JARID2: variants seen among roughly 807,000 people sequenced by gnomAD.
JARID2 encodes jumonji and AT-rich interaction domain containing 2.
In JARID2, 21 loss-of-function variants were observed where a neutral mutation model predicts 125.6. The ratio of observed to expected loss-of-function variants is 0.17; its 90% CI spans 0.12 to 0.24. The LOEUF (loss-of-function observed/expected upper bound fraction) is 0.24, where lower values mean the gene tolerates loss of function less well. Among genes scored for constraint, JARID2 ranks in the 10% least tolerant of loss-of-function variants. The pLI is 1.00. For synonymous variants in JARID2, 736 were observed against 661.6 expected (o/e 1.11, Z -1.73); for missense variants, 1,303 against 1,639.6 (o/e 0.79, Z 3.55).
chr6:15,336,299 G>T (rs1762877257), intron 1 of JARID2, among the ~76,000 whole-genome samples: 1 of 152,212 alleles, frequency 6.6e-6, no homozygotes, highest in Admixed American at 6.5e-5. Flanking sequence ...AACACTGGTG[G>T]TTCAGTAATA....
chr6:15,324,425 T>C (rs1478699726), intron 1 of JARID2: 2 of 152,186 alleles, frequency 1.3e-5, no homozygotes, highest in Non-Finnish European at 2.9e-5. Flanking sequence ...CCGTGTTATC[T>C]TCTGTGTAAT....
At chr6:15,354,822 A>G (rs1763544097) in intron 1 of JARID2, among the ~76,000 whole-genome samples, 1 of 152,226 alleles carries the variant, frequency 6.6e-6, no homozygotes, top group African/African-American at 2.4e-5. Flanking sequence ...TAAATGCTGT[A>G]AAGAATGTTA....
intron 8 of JARID2, among the ~76,000 whole-genome samples, chr6:15,504,228 G>A (rs758602666): frequency 2.6e-4 from 32 of 125,124 alleles, no homozygotes; most frequent in African/African-American, 4.6e-4. Context: ...CTGTGCGTCC[G>A]CTCAGGGCCT....
chr6:15,430,778 A>G (rs1345526720), intron 3 of JARID2, among the ~76,000 whole-genome samples: 2 of 152,112 alleles, frequency 1.3e-5, no homozygotes, highest in African/African-American at 4.8e-5. Context: ...GGGGGAATGA[A>G]TGGTCTGTAG....
intron 12 of JARID2, among the ~76,000 whole-genome samples, chr6:15,510,116 G>A (rs1190958776): frequency 6.6e-6 from 1 of 152,182 alleles, no homozygotes; most frequent in African/African-American, 2.4e-5. Context: ...GGACCTGGGG[G>A]GCGGGGGCTG....
chr6:15,392,932 A>G (rs1228646116), intron 2 of JARID2, among the ~76,000 whole-genome samples: 1 of 151,646 alleles, frequency 6.6e-6, no homozygotes, highest in Admixed American at 6.6e-5. Flanking sequence ...TGATCTGCCA[A>G]CCTCTGCCTC....
chr6:15,286,399 C>G (rs1420691558), intron 1 of JARID2, among the ~76,000 whole-genome samples: 1 of 151,410 alleles, frequency 6.6e-6, no homozygotes, highest in Admixed American at 6.6e-5. Context: ...TTACAGGTGC[C>G]CACCACCACA....
chr6:15,513,131 C>T (rs1771358967), intron 15 of JARID2, 86 bp downstream of exon 15: 14 of 1,593,194 alleles, frequency 8.8e-6, no homozygotes, highest in Middle Eastern at 2.0e-4. Flanking sequence ...CACTTCCTGA[C>T]AGGAGGGTGT....
chr6:15,317,223 G>A (rs1762208141), intron 1 of JARID2, among the ~76,000 whole-genome samples: 1 of 152,160 alleles, frequency 6.6e-6, no homozygotes. Flanking sequence ...GTAAGAAATA[G>A]CTCTGAGGAC....
At chr6:15,364,359 T>C (rs1281222346) in intron 1 of JARID2, among the ~76,000 whole-genome samples, 1 of 152,102 alleles carries the variant, frequency 6.6e-6, no homozygotes, top group African/African-American at 2.4e-5. Flanking sequence ...ATAGGACTGG[T>C]TTTTGTCTGG....
intron 2 of JARID2, among the ~76,000 whole-genome samples, chr6:15,385,147 C>T (rs550154445): frequency 5.3e-5 from 8 of 152,164 alleles, no homozygotes; most frequent in East Asian, 3.8e-4. Flanking sequence ...ATTGGGCCCC[C>T]GTATCACTCT....
In JARID2 at chr6:15,506,989, G is replaced by A. The variant is rs375957393; in HGVS notation, c.2542-147G>A. ...ACCTGTCATTGCTTTCTGCATTAGC[G>A]TCCTGCTGGAGACACTCTGCAAAGA... is the stretch of plus-strand genomic sequence containing the variant. On this transcript the variant is annotated intron_variant, in intron 9 of 17. Transcript: ENST00000341776. 1,805 of 624,088 alleles carry A rather than the reference G, an allele frequency of 2.9e-3. 51 individuals are homozygous for A. The South Asian group carries it at 0.033, about 11-fold the overall frequency. The allele number at this position is 624,088 out of a possible 1,614,324, so 38.7% of individuals were successfully genotyped here. A position where few individuals can be genotyped will look rare whatever the true frequency, so the allele number is the denominator to read the frequency against.
chr6:15,441,166 A>C (rs926155792), intron 3 of JARID2, among the ~76,000 whole-genome samples: 4 of 152,182 alleles, frequency 2.6e-5, no homozygotes, highest in Non-Finnish European at 5.9e-5. Flanking sequence ...TGTGTGTTTT[A>C]TCTCTAGCCA....
At chr6:15,318,426 C>A (rs1197717580) in intron 1 of JARID2, among the ~76,000 whole-genome samples, 1 of 152,140 alleles carries the variant, frequency 6.6e-6, no homozygotes, top group Non-Finnish European at 1.5e-5. Context: ...TTTCGTATAC[C>A]TAGAATAGTT....
At chr6:15,490,802 T>C (rs1770113989) in intron 6 of JARID2, among the ~76,000 whole-genome samples, 1 of 152,258 alleles carries the variant, frequency 6.6e-6, no homozygotes, top group Non-Finnish European at 1.5e-5. Flanking sequence ...GCAAGGGTTT[T>C]GAAGTATTAG....
intron 5 of JARID2, 71 bp downstream of exon 5, chr6:15,468,789 C>A: frequency 6.8e-7 from 1 of 1,464,610 alleles, no homozygotes; most frequent in Non-Finnish European, 9.3e-7. Flanking sequence ...AGAGCCTCTG[C>A]TGAGAAGAGA....
chr6:15,494,411 G>GTTTTTTTTT (rs1169733078), intron 6 of JARID2, among the ~76,000 whole-genome samples: 15 of 32,380 alleles, frequency 4.6e-4, no homozygotes, highest in East Asian at 1.2e-3. Context: ...TTTTTGGCAA[G>GTTTTTTTTT]TCTTTTTTTT....
chr6:15,316,222 C>T (rs539596103), intron 1 of JARID2, among the ~76,000 whole-genome samples: 147 of 151,846 alleles, frequency 9.7e-4, no homozygotes, highest in African/African-American at 3.3e-3. Context: ...CGGGTTCAAG[C>T]GATTCTCCTG....
At chr6:15,256,481 A>G (rs940946807) in intron 1 of JARID2, among the ~76,000 whole-genome samples, 3 of 152,222 alleles carry the variant, frequency 2.0e-5, no homozygotes, top group Non-Finnish European at 4.4e-5. Flanking sequence ...TAAAAATCTG[A>G]TTATGATGTG....
Sources: gnomAD v4.1 joint callset for allele counts (sites outside exome capture counted in the v4.1 genomes callset) on GRCh38, gnomAD v4.1.1 for gene constraint, MANE v1.5 for transcripts, NCBI Gene and HGNC (gene_info 2026-07-23, HGNC 2026-07-21) for gene names.